The following KTN1 variants were observed in gnomAD, a reference collection of about 807,000 sequenced individuals.
KTN1 encodes kinectin 1, also known as kinectin.
KTN1 carries 130 observed loss-of-function variants against 222.5 expected under a neutral mutation model. That is an observed-to-expected ratio of 0.58 (90% CI 0.51 to 0.68). The LOEUF (loss-of-function observed/expected upper bound fraction) is 0.68. Among genes scored for constraint, KTN1 ranks in the 30% least tolerant of loss-of-function variants. The pLI is 0.00. For missense variants in KTN1, 1,508 were observed against 1,500.4 expected (o/e 1.01, Z -0.08); for synonymous variants, 512 against 496.3 (o/e 1.03, Z -0.42).
At chr14:55,647,114 T>A (rs1157017527) in intron 19 of KTN1, 107 bp downstream of exon 19, 2 of 742,632 alleles carry the variant, frequency 2.7e-6, no homozygotes, top group Non-Finnish European at 4.5e-6. Context: ...GGAAGAAATG[T>A]AGTATGCTGT....
chr14:55,651,038 A>G (rs1007549350), intron 24 of KTN1, among the ~76,000 whole-genome samples: 1 of 152,182 alleles, frequency 6.6e-6, no homozygotes, highest in African/African-American at 2.4e-5. Flanking sequence ...GGGATTTCAG[A>G]CATAGATGTG....
At chr14:55,622,515 G>A (rs776829199) in intron 5 of KTN1, among the ~76,000 whole-genome samples, 1 of 152,110 alleles carries the variant, frequency 6.6e-6, no homozygotes, top group African/African-American at 2.4e-5. Context: ...ATTTTCAAGG[G>A]TTACCTATGT....
chr14:55,646,494 CCTTT>C (rs1566788827), intron 18 of KTN1, among the ~76,000 whole-genome samples: 1,183 of 105,678 alleles, frequency 0.011, 49 homozygotes, highest in African/African-American at 0.039. Flanking sequence ...CCTTTCCTTT[CCTTT>C]CCTTTCCTTT....
intron 24 of KTN1, 83 bp from the exon 25 acceptor site, chr14:55,651,807 T>C (rs2042952869): frequency 1.2e-6 from 1 of 850,958 alleles, no homozygotes; most frequent in Non-Finnish European, 1.9e-6. Context: ...TAATTTGAAG[T>C]GTACACATTA....
intron 29 of KTN1, among the ~76,000 whole-genome samples, chr14:55,658,139 AGCTGGGGCAGGCGG>A (rs952744570): frequency 1.3e-5 from 2 of 152,146 alleles, no homozygotes; most frequent in Non-Finnish European, 1.5e-5. Context: ...TGGTTGTCAC[AGCTGGGGCAGGCGG>A]GCTGGGGCAT....
At chr14:55,598,342 G>A (rs1474258350) in intron 1 of KTN1, among the ~76,000 whole-genome samples, 2 of 151,596 alleles carry the variant, frequency 1.3e-5, no homozygotes, top group African/African-American at 4.8e-5. Flanking sequence ...GGCAGAGGCA[G>A]GAGAATGGCG....
chr14:55,616,052 C>T (rs191450049), intron 2 of KTN1, among the ~76,000 whole-genome samples: 16 of 152,086 alleles, frequency 1.1e-4, no homozygotes, highest in African/African-American at 3.9e-4. Context: ...GCTGGAACTA[C>T]AGGTGTGCGC....
chr14:55,632,740 T>C (rs1219882418), intron 7 of KTN1, among the ~76,000 whole-genome samples: 1 of 152,136 alleles, frequency 6.6e-6, no homozygotes, highest in African/African-American at 2.4e-5. Context: ...AATTAAGAGG[T>C]CAGAATATTT....
chr14:55,598,971 C>T (rs2035524377), intron 1 of KTN1, among the ~76,000 whole-genome samples: 1 of 152,072 alleles, frequency 6.6e-6, no homozygotes, highest in Admixed American at 6.6e-5. Flanking sequence ...TCTCATGTAT[C>T]CTTTATGTCT....
chr14:55,612,318 G>A lies in KTN1; in HGVS notation c.270G>A (p.Leu90=). 6.2e-7 allele frequency: 1 copy of A among 1,614,070 alleles called. No homozygotes were observed. Among genetic ancestry groups the A allele is most frequent in the Non-Finnish European group, 8.5e-7 (1 of 1,180,010 alleles). The change falls in exon 2 of 44, where the codon TTG becomes TTA. Residue 90 remains leucine, a synonymous_variant. Coordinates refer to ENST00000395314, the MANE Select transcript of KTN1 (RefSeq NM_001079521.2). ...VPRDFKLSDA[L]AVEDDQVAPV... is the part of the protein sequence containing the mutation. ...GAGACTTTAAATTATCAGATGCTTT[G>A]GCAGTAGAAGATGATCAAGTTGCAC...
intron 1 of KTN1, among the ~76,000 whole-genome samples, chr14:55,611,388 A>G (rs1226913397): frequency 6.7e-6 from 1 of 150,374 alleles, no homozygotes; most frequent in Non-Finnish European, 1.5e-5. Flanking sequence ...GGCATGAGCC[A>G]CTGCGCTTGG....
intron 2 of KTN1, among the ~76,000 whole-genome samples, chr14:55,613,491 A>ATTT (rs57451000): frequency 1.5e-5 from 2 of 129,240 alleles, no homozygotes; most frequent in Admixed American, 7.8e-5. Flanking sequence ...GTTATATTTG[A>ATTT]TTTTTTTTTT....
At chr14:55,631,210 C>T (rs186806908) in intron 7 of KTN1, among the ~76,000 whole-genome samples, 1 of 151,532 alleles carries the variant, frequency 6.6e-6, no homozygotes, top group East Asian at 1.9e-4. Context: ...TAATACCTTC[C>T]TTAATTTAAC....
At chr14:55,619,702 A>G (rs1404363534) in intron 5 of KTN1, among the ~76,000 whole-genome samples, 1 of 152,090 alleles carries the variant, frequency 6.6e-6, no homozygotes, top group Non-Finnish European at 1.5e-5. Context: ...CAAGAATAAT[A>G]TGGGGGAAAT....
chr14:55,629,455 A>G (rs80085988), intron 6 of KTN1, among the ~76,000 whole-genome samples: 10,703 of 150,130 alleles, frequency 0.071, 441 homozygotes, highest in South Asian at 0.11. Flanking sequence ...TGACTTAGGA[A>G]GATGATAAAA....
At chr14:55,602,150 G>C (rs1214754639) in intron 1 of KTN1, among the ~76,000 whole-genome samples, 3 of 152,160 alleles carry the variant, frequency 2.0e-5, no homozygotes, top group Non-Finnish European at 4.4e-5. Flanking sequence ...CTAAATTTTT[G>C]TATGTATTTA....
At chr14:55,644,489 G>A (rs940222717) in intron 18 of KTN1, 9 of 682,294 alleles carry the variant, frequency 1.3e-5, no homozygotes, top group African/African-American at 1.2e-4. Context: ...GCTGCATTTG[G>A]ATTTAGGCTT....
rs780504993 is a variant in KTN1, at chr14:55,658,628, G to T, written c.2961+14G>T. The T allele has an allele frequency of 1.3e-6, 2 of 1,567,282 alleles. No homozygotes were observed. The highest frequency in any genetic ancestry group is 1.7e-6 in the Non-Finnish European group (2 of 1,145,892). On this transcript the variant is annotated intron_variant, in intron 30 of 43. Coordinates refer to ENST00000395314, the MANE Select transcript of KTN1 (RefSeq NM_001079521.2). ...AACTACCAACAGGTAGGTATTATTA[G>T]ATGTCTTGCCTTTCACTTACGTGGC...
chr14:55,615,330 G>T (rs527619498), intron 2 of KTN1, among the ~76,000 whole-genome samples: 2 of 151,956 alleles, frequency 1.3e-5, no homozygotes, highest in African/African-American at 2.4e-5. Flanking sequence ...AACTCTGTAC[G>T]CATTATACAC....
Sources: allele counts gnomAD v4.1 joint callset (sites outside exome capture counted in the v4.1 genomes callset), GRCh38; gene constraint gnomAD v4.1.1; transcripts MANE v1.5; gene names NCBI Gene and HGNC (gene_info 2026-07-23, HGNC 2026-07-21).